MYH9: variants seen among roughly 807,000 people sequenced by gnomAD.
MYH9 encodes myosin-9.
A neutral mutation model predicts 241.9 loss-of-function variants in MYH9; 29 were observed. That is an observed-to-expected ratio of 0.12 (90% CI 0.09 to 0.16). MYH9 has a LOEUF of 0.16. Among genes scored for constraint, MYH9 ranks in the 10% least tolerant of loss-of-function variants. The pLI, the probability that MYH9 is intolerant of heterozygous loss-of-function variation, is 1.00. For synonymous variants in MYH9, 1,047 were observed against 1,062.6 expected (o/e 0.99, Z 0.29); for missense variants, 1,803 against 2,595.5 (o/e 0.69, Z 6.63).
chr22:36,319,671 AT>A, intron 9 of MYH9, 36 bp from the exon 10 acceptor site: 1 of 1,600,696 alleles, frequency 6.2e-7, no homozygotes, highest in Non-Finnish European at 8.6e-7. Flanking sequence ...AGAAGCAGAC[AT>A]GGGTCATGGT....
At chr22:36,297,908 C>G (rs909475740) in intron 24 of MYH9, among the ~76,000 whole-genome samples, 3 of 152,196 alleles carry the variant, frequency 2.0e-5, no homozygotes, top group Non-Finnish European at 4.4e-5. Context: ...CCAGCAGCAG[C>G]ATATGTGTGC....
chr22:36,358,110 G>C (rs1215924760), intron 1 of MYH9, among the ~76,000 whole-genome samples: 1 of 152,164 alleles, frequency 6.6e-6, no homozygotes, highest in Non-Finnish European at 1.5e-5. Context: ...ATCCCATCAG[G>C]CTGGAATGCA....
intron 3 of MYH9, among the ~76,000 whole-genome samples, chr22:36,336,845 T>G (rs888019005): frequency 6.6e-6 from 1 of 152,244 alleles, no homozygotes; most frequent in African/African-American, 2.4e-5. Flanking sequence ...CACAAATCTC[T>G]GTCTATAAAC....
At chr22:36,311,923 T>C in intron 14 of MYH9, 126 bp downstream of exon 14, 1 of 1,114,870 alleles carries the variant, frequency 9.0e-7, no homozygotes. Flanking sequence ...TGAGTCATTG[T>C]GCAAGAACCG....
Position 36,349,175 on chromosome 22 carries a change from A to G in MYH9, c.62T>C (p.Leu21Pro). The G allele has an allele frequency of 1.9e-6, 3 of 1,614,230 alleles. No individual in the cohort carries two copies. Among genetic ancestry groups the G allele is most frequent in the Non-Finnish European group, 2.5e-6 (3 of 1,180,026 alleles). ...YVDKNFINNP[L>P]AQADWAAKKL... Reference sequence around the variant, plus strand: ...CTTGGCAGCCCAGTCGGCCTGGGCCAGCGGATTGTTGATGAAGTTTTTATC... The same window carrying G: ...CTTGGCAGCCCAGTCGGCCTGGGCCGGCGGATTGTTGATGAAGTTTTTATC... The change falls in exon 2 of 41, where the codon CTG becomes CCG. Residue 21 changes from leucine to proline, a missense_variant. By Grantham distance (98) the Leu-to-Pro change is moderately conservative. Coordinates refer to ENST00000216181, the MANE Select transcript of MYH9 (RefSeq NM_002473.6).
intron 2 of MYH9, among the ~76,000 whole-genome samples, chr22:36,348,660 A>G (rs182634041): frequency 7.6e-4 from 115 of 152,180 alleles, no homozygotes; most frequent in Admixed American, 1.3e-3. Flanking sequence ...CTCCCTACGT[A>G]TGTTCTAAAA....
chr22:36,384,602 AAAAAAAAAAATATATATAT>A (rs2018312030), intron 1 of MYH9, among the ~76,000 whole-genome samples: 1 of 47,274 alleles, frequency 2.1e-5, no homozygotes, highest in African/African-American at 6.9e-5. Flanking sequence ...AAAAAAAAAA[AAAAAAAAAAATATATATAT>A]ATATATATAT....
Position 36,317,105 on chromosome 22 carries a change from C to T in MYH9, c.1228-436G>A, listed in dbSNP as rs2017168870. 2.6e-5 allele frequency among the ~76,000 whole-genome samples: 4 copies of T among 151,610 alleles called. 1 individual carries two copies. In the South Asian group the frequency reaches 6.2e-4, roughly 24 times the overall value. On this transcript the variant is annotated intron_variant, in intron 11 of 40. Coordinates refer to ENST00000216181, the MANE Select transcript of MYH9 (RefSeq NM_002473.6). ...ACGGCCATACCACCCTAAACGCGCC[C>T]GATCTCATCAAAATAAGGCAGTGGG...
chr22:36,317,818 C>T (rs909703184), intron 11 of MYH9, among the ~76,000 whole-genome samples: 16 of 152,356 alleles, frequency 1.1e-4, no homozygotes, highest in African/African-American at 3.8e-4. Flanking sequence ...AGCCGCTTGG[C>T]ACAGGCTCGA....
At chr22:36,353,506 G>A (rs1043433668) in intron 1 of MYH9, among the ~76,000 whole-genome samples, 8 of 151,868 alleles carry the variant, frequency 5.3e-5, no homozygotes, top group East Asian at 1.9e-4. Context: ...GACTACAGGC[G>A]CCCACCACCA....
chr22:36,383,668 G>C (rs1023408463), intron 1 of MYH9, among the ~76,000 whole-genome samples: 16 of 150,788 alleles, frequency 1.1e-4, no homozygotes, highest in Non-Finnish European at 1.8e-4. Context: ...AAAAAAAAGG[G>C]GGGGGGGTGC....
chr22:36,309,673 A>G (rs1223799358), intron 14 of MYH9, among the ~76,000 whole-genome samples: 1 of 152,212 alleles, frequency 6.6e-6, no homozygotes, highest in Non-Finnish European at 1.5e-5. Context: ...GCCACACAGT[A>G]CCGTGCTGGG....
Position 36,305,544 on chromosome 22 carries a change from T to C in MYH9, c.2159+386A>G, listed in dbSNP as rs1284518436. Among the ~76,000 whole-genome samples, 1 of 152,154 alleles carries C rather than the reference T, an allele frequency of 6.6e-6. No individual in the cohort carries two copies. The highest frequency in any genetic ancestry group is 1.5e-5 in the Non-Finnish European group (1 of 68,024). On this transcript the variant is annotated intron_variant, in intron 17 of 40. Transcript: ENST00000216181. The surrounding 1 kb of genome is among the most constrained non-coding windows in gnomAD (Gnocchi z 4.7). ...CAGTCATTAGAGAAACAGGAAGGTGTCGCCGTCTTCGCACACAGCAACGCA... is the reference window on the plus strand; with the variant it reads ...CAGTCATTAGAGAAACAGGAAGGTGCCGCCGTCTTCGCACACAGCAACGCA...
chr22:36,360,817 G>A (rs1037203079), intron 1 of MYH9, among the ~76,000 whole-genome samples: 2 of 152,200 alleles, frequency 1.3e-5, no homozygotes, highest in African/African-American at 2.4e-5. Flanking sequence ...GGAAATGCTG[G>A]TCTGGTGAGA....
chr22:36,331,263 G>A (rs5756158), intron 3 of MYH9, among the ~76,000 whole-genome samples: 1 of 152,154 alleles, frequency 6.6e-6, no homozygotes, highest in Non-Finnish European at 1.5e-5. Context: ...CAGATGCCCA[G>A]ACATGCCGTC....
At chr22:36,284,834 C>A (rs1300231366) in intron 38 of MYH9, among the ~76,000 whole-genome samples, 2 of 152,206 alleles carry the variant, frequency 1.3e-5, no homozygotes, top group Non-Finnish European at 2.9e-5. Flanking sequence ...CATAGGACAA[C>A]TGTCCTAGTG....
chr22:36,375,089 C>A (rs1400875163), intron 1 of MYH9, among the ~76,000 whole-genome samples: 1 of 152,214 alleles, frequency 6.6e-6, no homozygotes, highest in Non-Finnish European at 1.5e-5. Context: ...AGCACCCAGC[C>A]AGTGCCTTAT....
intron 1 of MYH9, among the ~76,000 whole-genome samples, chr22:36,377,845 A>C (rs1048732038): frequency 3.9e-5 from 6 of 152,114 alleles, no homozygotes; most frequent in African/African-American, 1.4e-4. Context: ...CGAGAGGCGG[A>C]GCTTGCAATG....
chr22:36,351,478 T>C (rs6000253), intron 1 of MYH9, among the ~76,000 whole-genome samples: 149,862 of 152,286 alleles, frequency 0.98, 73,754 homozygotes, highest in East Asian at 1. Context: ...AGGAGCAGCC[T>C]CCAGGGCACC....
Sources: gnomAD v4.1 joint callset for allele counts (sites outside exome capture counted in the v4.1 genomes callset) on GRCh38, gnomAD v4.1.1 for gene constraint, Gnocchi (gnomAD v3.1) non-coding constraint, MANE v1.5 for transcripts, NCBI Gene and HGNC (gene_info 2026-07-23, HGNC 2026-07-21) for gene names.